FAF1: variants seen among roughly 807,000 people sequenced by gnomAD.
FAF1 encodes the protein FAS-associated factor 1.
A neutral mutation model predicts 92.5 loss-of-function variants in FAF1; 25 were observed. The observed-to-expected ratio is 0.27, with a 90% CI of 0.20 to 0.38. The LOEUF (loss-of-function observed/expected upper bound fraction) is 0.38, where lower values mean the gene tolerates loss of function less well. Ranked by LOEUF, FAF1 falls within the 10% of genes least tolerant of loss-of-function variation. FAF1 has a pLI of 1.00. For synonymous variants in FAF1, 234 were observed against 273.2 expected, an observed-to-expected ratio of 0.86 and a Z score of 1.42; for missense variants, 636 against 793.3, an observed-to-expected ratio of 0.80 and a Z score of 2.38.
In FAF1 at chr1:50,584,808, T is replaced by C. The variant is rs1391898834; in HGVS notation, c.844A>G (p.Ile282Val). Residue 282 changes from isoleucine (I) to valine (V), a missense_variant, in exon 10 of 19, where the codon ATC (isoleucine) becomes GTC (valine). Coordinates refer to ENST00000396153, the MANE Select transcript of FAF1 (RefSeq NM_007051.3). ...AQTREQSEEQ[I>V]TDVHMVSDSD... is the part of the protein sequence containing the mutation. Reference sequence around the variant, plus strand: ...TCACTAACCATATGAACATCGGTGATTTGCTATTTAAGGAAAGTCCTGATT... The same window carrying C: ...TCACTAACCATATGAACATCGGTGACTTGCTATTTAAGGAAAGTCCTGATT... The C allele has an allele frequency of 6.2e-6, 10 of 1,612,936 alleles. No homozygotes were observed. Among genetic ancestry groups the C allele is most frequent in the Non-Finnish European group, 7.6e-6 (9 of 1,179,334 alleles).
intron 1 of FAF1, among the ~76,000 whole-genome samples, chr1:50,911,802 G>A (rs1453484247): frequency 6.6e-6 from 1 of 152,168 alleles, no homozygotes; most frequent in Non-Finnish European, 1.5e-5. Flanking sequence ...GGAGGCCAAG[G>A]TCGGTGGATC....
At chr1:50,938,595 T>C (rs1259496192) in intron 1 of FAF1, among the ~76,000 whole-genome samples, 1 of 152,240 alleles carries the variant, frequency 6.6e-6, no homozygotes, top group Non-Finnish European at 1.5e-5. Context: ...GTCCCACTTG[T>C]CAATTTTTGT....
intron 1 of FAF1, among the ~76,000 whole-genome samples, chr1:50,924,016 A>T (rs977623870): frequency 6.6e-6 from 1 of 152,236 alleles, no homozygotes. Context: ...CATGACGAAC[A>T]TGCCCACTTT....
chr1:50,938,689 C>A (rs1239400312), intron 1 of FAF1, among the ~76,000 whole-genome samples: 1 of 152,106 alleles, frequency 6.6e-6, no homozygotes, highest in Non-Finnish European at 1.5e-5. Flanking sequence ...TTTTCTTCTA[C>A]TAGGATTTTC....
intron 6 of FAF1, among the ~76,000 whole-genome samples, chr1:50,715,838 T>C (rs569574256): frequency 6.6e-6 from 1 of 152,222 alleles, no homozygotes; most frequent in Non-Finnish European, 1.5e-5. Context: ...AAATTAGGTA[T>C]AGCAAATTTT....
intron 4 of FAF1, among the ~76,000 whole-genome samples, chr1:50,755,141 A>G (rs1306902846): frequency 6.6e-6 from 1 of 152,162 alleles, no homozygotes; most frequent in Non-Finnish European, 1.5e-5. Context: ...TTAACTCAAA[A>G]GTCCACAGTC....
At chr1:50,750,848 C>T (rs968741392) in intron 4 of FAF1, among the ~76,000 whole-genome samples, 1 of 151,590 alleles carries the variant, frequency 6.6e-6, no homozygotes, top group African/African-American at 2.4e-5. Flanking sequence ...GTCTCAAACT[C>T]CTGACCACAA....
chr1:50,603,536 C>A (rs1188563866), intron 8 of FAF1, among the ~76,000 whole-genome samples: 5 of 152,162 alleles, frequency 3.3e-5, no homozygotes, highest in African/African-American at 1.2e-4. Flanking sequence ...TTAAACCGAA[C>A]TGAGTCATGA....
At chr1:50,774,140 AC>A (rs1194367866) in intron 4 of FAF1, among the ~76,000 whole-genome samples, 2 of 152,166 alleles carry the variant, frequency 1.3e-5, no homozygotes, top group African/African-American at 4.8e-5. Context: ...GGTAGACTAA[AC>A]AATACTACTA....
intron 6 of FAF1, among the ~76,000 whole-genome samples, chr1:50,718,905 G>C (rs983733146): frequency 6.6e-6 from 1 of 152,072 alleles, no homozygotes; most frequent in Non-Finnish European, 1.5e-5. Context: ...TAAACTTACA[G>C]AGTCATATGA....
intron 17 of FAF1, among the ~76,000 whole-genome samples, chr1:50,489,553 T>C (rs1397059397): frequency 6.6e-6 from 1 of 152,218 alleles, no homozygotes; most frequent in Non-Finnish European, 1.5e-5. Context: ...AGTATTATAA[T>C]TCTATTTTTA....
At chr1:50,445,284 T>G (rs1268745773) in intron 18 of FAF1, among the ~76,000 whole-genome samples, 1 of 152,100 alleles carries the variant, frequency 6.6e-6, no homozygotes, top group Non-Finnish European at 1.5e-5. Context: ...TTTTATGCCT[T>G]TGCATTGAGG....
chr1:50,764,414 C>T lies in FAF1; in HGVS notation c.368-19639G>A, dbSNP rs1470225855. 3.9e-5 allele frequency among the ~76,000 whole-genome samples: 6 copies of T among 152,276 alleles called. No individual in the cohort carries two copies. In the East Asian group the frequency reaches 9.6e-4, roughly 24 times the overall value. On this transcript the variant is annotated intron_variant, in intron 4 of 18. Transcript: ENST00000396153. Reference sequence around the variant, plus strand: ...ATTTGCAGAAAGCATCATTCAGATACCTGCATGTTTCCCTATGTAGCAATC... The same window carrying T: ...ATTTGCAGAAAGCATCATTCAGATATCTGCATGTTTCCCTATGTAGCAATC...
intron 12 of FAF1, among the ~76,000 whole-genome samples, chr1:50,571,738 GACT>G (rs902305274): frequency 2.2e-4 from 33 of 152,280 alleles, no homozygotes; most frequent in African/African-American, 7.2e-4. Context: ...CAACCAATGT[GACT>G]TGGCCTTGAG....
chr1:50,906,309 A>G (rs933540645), intron 1 of FAF1, among the ~76,000 whole-genome samples: 6 of 152,058 alleles, frequency 3.9e-5, no homozygotes, highest in Non-Finnish European at 5.9e-5. Flanking sequence ...AAGTCAGGTA[A>G]CGTGATGCCT....
In FAF1 at chr1:50,634,500, G is replaced by C. The variant is rs11800627; in HGVS notation, c.744+20942C>G. Among the ~76,000 whole-genome samples the C allele has an allele frequency of 4.7e-4, 72 of 152,306 alleles. 1 individual carries two copies. The highest frequency in any genetic ancestry group is 1.5e-3 in the African/African-American group (64 of 41,572). On this transcript the variant is annotated intron_variant, in intron 8 of 18. Coordinates refer to ENST00000396153, the MANE Select transcript of FAF1 (RefSeq NM_007051.3). ...TGTTAGCTTGCAAACACAAATGCCA[G>C]AGATTAAGTAGTGCACATATGTATT...
chr1:50,493,770 A>T (rs745316629), intron 15 of FAF1, among the ~76,000 whole-genome samples: 1 of 152,240 alleles, frequency 6.6e-6, no homozygotes, highest in Non-Finnish European at 1.5e-5. Flanking sequence ...AGCAACAATT[A>T]AAGAAAAAGA....
chr1:50,894,163 G>T lies in FAF1; in HGVS notation c.46-36166C>A, dbSNP rs576041592. ...AAAATATAAAAATTAGCCAGGTGTGGTGGCACATGCCTGTAATCCCAGCTA... is the reference window on the plus strand; with the variant it reads ...AAAATATAAAAATTAGCCAGGTGTGTTGGCACATGCCTGTAATCCCAGCTA... On this transcript the variant is annotated intron_variant, in intron 1 of 18. Coordinates refer to ENST00000396153, the MANE Select transcript of FAF1 (RefSeq NM_007051.3). Among the ~76,000 whole-genome samples the T allele has an allele frequency of 2.0e-5, 3 of 152,082 alleles. No homozygotes were observed. In the East Asian group the frequency reaches 5.8e-4, roughly 29 times the overall value.
intron 1 of FAF1, among the ~76,000 whole-genome samples, chr1:50,926,073 C>G (rs955881793): frequency 6.6e-6 from 1 of 152,050 alleles, no homozygotes; most frequent in Non-Finnish European, 1.5e-5. Context: ...ACAAGTTAGC[C>G]AGATGTGGTG....
Sources: allele counts gnomAD v4.1 joint callset (sites outside exome capture counted in the v4.1 genomes callset), GRCh38; gene constraint gnomAD v4.1.1; transcripts MANE v1.5; gene names NCBI Gene and HGNC (gene_info 2026-07-23, HGNC 2026-07-21).